The following FOCAD variants were observed in gnomAD, a reference collection of about 807,000 sequenced individuals.
FOCAD encodes KIAA1797.
FOCAD carries 198 observed loss-of-function variants against 225.6 expected under a neutral mutation model. The observed-to-expected ratio is 0.88, with a 90% confidence interval of 0.78 to 0.99. The LOEUF is 0.99. Among genes scored for constraint, FOCAD ranks in the 50% least tolerant of loss-of-function variants. The probability of loss-of-function intolerance (pLI) is 0.00; values close to 1 mark genes in which losing one functional copy is unlikely to be tolerated. For missense variants in FOCAD, 2,713 were observed against 2,123.6 expected (o/e 1.28, Z -5.46); for synonymous variants, 897 against 755.0 (o/e 1.19, Z -3.08).
At chr9:20,966,629 G>A (rs1365161548) in intron 35 of FOCAD, among the ~76,000 whole-genome samples, 6 of 152,032 alleles carry the variant, frequency 3.9e-5, no homozygotes, top group Non-Finnish European at 8.8e-5. Flanking sequence ...TTTTCTTCTA[G>A]GAGTTTGATT....
chr9:20,793,110 A>G (rs1259451991), intron 11 of FOCAD, among the ~76,000 whole-genome samples: 1 of 152,194 alleles, frequency 6.6e-6, no homozygotes, highest in Non-Finnish European at 1.5e-5. Context: ...AGCAAAAAGA[A>G]GCCAGAATGT....
At chr9:20,955,085 G>A (rs905306014) in intron 35 of FOCAD, among the ~76,000 whole-genome samples, 12 of 152,182 alleles carry the variant, frequency 7.9e-5, no homozygotes, top group African/African-American at 2.9e-4. Context: ...ACTGCTGATA[G>A]GAAGGATGGC....
chr9:20,783,690 C>T (rs1819631531), intron 10 of FOCAD, among the ~76,000 whole-genome samples: 1 of 150,998 alleles, frequency 6.6e-6, no homozygotes, highest in African/African-American at 2.4e-5. Flanking sequence ...ATTTCATTCT[C>T]CCCAGGCAAA....
At chr9:20,940,891 G>A (rs1440214271) in intron 28 of FOCAD, among the ~76,000 whole-genome samples, 1 of 152,130 alleles carries the variant, frequency 6.6e-6, no homozygotes, top group Non-Finnish European at 1.5e-5. Context: ...TAGAAGGAAA[G>A]CAGTTTGATG....
At chr9:20,722,064 C>G (rs1342109603) in intron 4 of FOCAD, among the ~76,000 whole-genome samples, 3 of 139,562 alleles carry the variant, frequency 2.1e-5, no homozygotes, top group Non-Finnish European at 4.6e-5. Flanking sequence ...CTTTCTTTCT[C>G]TGTTTCCTTT....
intron 43 of FOCAD, among the ~76,000 whole-genome samples, chr9:20,994,780 T>C (rs955136090): frequency 3.3e-5 from 5 of 152,150 alleles, no homozygotes; most frequent in Non-Finnish European, 7.4e-5. Context: ...AGATATACCC[T>C]CTTAGGTTAC....
chr9:20,914,251 G>C (rs970790957), intron 23 of FOCAD, among the ~76,000 whole-genome samples: 1 of 152,188 alleles, frequency 6.6e-6, no homozygotes, highest in Non-Finnish European at 1.5e-5. Context: ...TTTATTGAGT[G>C]TCTGTCATGT....
chr9:20,988,293 A>C, intron 40 of FOCAD, 39 bp from the exon 41 acceptor site: 1 of 1,291,786 alleles, frequency 7.7e-7, no homozygotes, highest in Non-Finnish European at 1.1e-6. Flanking sequence ...TTTCAAAGGA[A>C]AACCATGGTC....
chr9:20,870,942 C>A (rs1372644171), intron 18 of FOCAD, among the ~76,000 whole-genome samples: 4 of 152,112 alleles, frequency 2.6e-5, no homozygotes, highest in Admixed American at 1.3e-4. Flanking sequence ...GTGGCTTACA[C>A]CTGTAATCCC....
At chr9:20,918,502 T>C (rs1343662363) in intron 24 of FOCAD, among the ~76,000 whole-genome samples, 1 of 152,110 alleles carries the variant, frequency 6.6e-6, no homozygotes, top group African/African-American at 2.4e-5. Context: ...GGCGGGCGGA[T>C]CACGAGGTCA....
chr9:20,797,150 G>A (rs190022622), intron 11 of FOCAD, among the ~76,000 whole-genome samples: 1 of 152,140 alleles, frequency 6.6e-6, no homozygotes, highest in East Asian at 1.9e-4. Context: ...TATTTCTGAG[G>A]GCTCTGTTCT....
intron 5 of FOCAD, among the ~76,000 whole-genome samples, chr9:20,745,351 A>T (rs1412517434): frequency 6.6e-6 from 1 of 152,072 alleles, no homozygotes; most frequent in African/African-American, 2.4e-5. Context: ...CGGCCTCCCA[A>T]AGTGCTGGGA....
At chr9:20,901,541 A>G (rs1270526252) in intron 21 of FOCAD, among the ~76,000 whole-genome samples, 1 of 151,766 alleles carries the variant, frequency 6.6e-6, no homozygotes, top group African/African-American at 2.4e-5. Flanking sequence ...ATATTTGTTA[A>G]GATCACTCAA....
chr9:20,926,827 A>G (rs1442762239), intron 26 of FOCAD, among the ~76,000 whole-genome samples: 1 of 151,418 alleles, frequency 6.6e-6, no homozygotes, highest in African/African-American at 2.4e-5. Flanking sequence ...AATCCATTAT[A>G]TAGTGTAATG....
In FOCAD at chr9:20,926,464, C is replaced by G. The variant is rs547189229; in HGVS notation, c.3078+47C>G. The G allele has an allele frequency of 6.3e-5, 75 of 1,186,880 alleles. No homozygotes were observed. The South Asian group carries it at 8.4e-4, about 13-fold the overall frequency. 73.5% of individuals were successfully genotyped at this position (1,186,880 alleles called of 1,614,324 possible). ...TGATCAGAAAACTCAAGAATTGACT[C>G]TTATGACATCAGTTGGTCACATGAA... On this transcript the variant is annotated intron_variant, in intron 26 of 43. Coordinates refer to ENST00000338382, the MANE Select transcript of FOCAD (RefSeq NM_001375567.1).
chr9:20,877,254 C>T (rs1830304677), intron 19 of FOCAD, among the ~76,000 whole-genome samples: 1 of 151,822 alleles, frequency 6.6e-6, no homozygotes, highest in African/African-American at 2.4e-5. Context: ...GACCAAATCC[C>T]GAATAGCATA....
At chr9:20,903,334 T>C (rs1164272231) in intron 21 of FOCAD, among the ~76,000 whole-genome samples, 2 of 151,962 alleles carry the variant, frequency 1.3e-5, no homozygotes, top group Non-Finnish European at 2.9e-5. Flanking sequence ...ATCATCATTC[T>C]ACTGTGTTAC....
intron 15 of FOCAD, among the ~76,000 whole-genome samples, chr9:20,852,449 C>A (rs1047987306): frequency 4.6e-5 from 7 of 151,320 alleles, no homozygotes; most frequent in Non-Finnish European, 7.4e-5. Context: ...GTTCTGTTAT[C>A]CCCAGATCTG....
At chr9:20,664,825 G>A (rs541750324) in intron 2 of FOCAD, among the ~76,000 whole-genome samples, 2 of 151,962 alleles carry the variant, frequency 1.3e-5, no homozygotes, top group South Asian at 2.1e-4. Flanking sequence ...GTTTATACAT[G>A]TGTCAAAGCT....
Sources: gnomAD v4.1 joint callset for allele counts (sites outside exome capture counted in the v4.1 genomes callset) on GRCh38, gnomAD v4.1.1 for gene constraint, MANE v1.5 for transcripts, NCBI Gene and HGNC (gene_info 2026-07-23, HGNC 2026-07-21) for gene names.